C8A: variants seen among roughly 807,000 people sequenced by gnomAD.
C8A encodes complement C8 alpha chain.
C8A carries 67 observed loss-of-function variants against 65.3 expected under a neutral mutation model. That is an observed-to-expected ratio of 1.03 (90% CI 0.84 to 1.26). The LOEUF (loss-of-function observed/expected upper bound fraction) is 1.26, where lower values mean the gene tolerates loss of function less well. Among genes scored for constraint, C8A ranks in the 50% most tolerant of loss-of-function variants. C8A has a pLI of 0.00. For synonymous variants in C8A, 290 were observed against 259.4 expected (o/e 1.12, Z -1.13); for missense variants, 781 against 723.9 (o/e 1.08, Z -0.90).
chr1:56,859,529 G>A (rs1186238725), intron 1 of C8A, among the ~76,000 whole-genome samples: 1 of 152,218 alleles, frequency 6.6e-6, no homozygotes, highest in African/African-American at 2.4e-5. Flanking sequence ...GGAGGAAATA[G>A]CATTATGCAA....
At position 56,862,613 on chromosome 1, in the gene C8A, C is replaced by T. The variant is rs74075626; in HGVS notation, c.78-4996C>T. ...CATTTTGAGAAACTCTGCAATAGCACCATATAGACTTGTGCTCATTCTACA... is the reference window on the plus strand; with the variant it reads ...CATTTTGAGAAACTCTGCAATAGCATCATATAGACTTGTGCTCATTCTACA... On this transcript the variant is annotated intron_variant, in intron 1 of 10. Transcript: ENST00000361249. Among the ~76,000 whole-genome samples, 776 of 152,174 alleles carry T rather than the reference C, an allele frequency of 5.1e-3. 9 individuals are homozygous for T. The highest frequency in any genetic ancestry group is 0.018 in the African/African-American group (747 of 41,508).
At chr1:56,855,352 C>T (rs1045172040) in intron 1 of C8A, among the ~76,000 whole-genome samples, 3 of 152,136 alleles carry the variant, frequency 2.0e-5, no homozygotes, top group Admixed American at 1.3e-4. Context: ...TAATAAATGA[C>T]AGTTCTCCTG....
At chr1:56,870,552 T>A (rs1644134923) in intron 2 of C8A, among the ~76,000 whole-genome samples, 1 of 152,090 alleles carries the variant, frequency 6.6e-6, no homozygotes, top group Non-Finnish European at 1.5e-5. Context: ...AATATCCTCA[T>A]CTCAGAAACT....
chr1:56,885,555 G>T (rs1393824147), intron 6 of C8A, among the ~76,000 whole-genome samples: 4 of 127,824 alleles, frequency 3.1e-5, no homozygotes, highest in Non-Finnish European at 4.9e-5. Context: ...TTTCTTTTTT[G>T]TTTTTTTTTG....
chr1:56,883,450 C>T, intron 5 of C8A, 31 bp from the exon 6 acceptor site: 1 of 1,575,318 alleles, frequency 6.3e-7, no homozygotes, highest in Non-Finnish European at 8.7e-7. Flanking sequence ...TCTATGTGCA[C>T]AAAGCTAATA....
chr1:56,876,032 C>T (rs753176286), intron 3 of C8A, 30 bp from the exon 4 acceptor site: 20 of 1,609,610 alleles, frequency 1.2e-5, no homozygotes, highest in Admixed American at 8.4e-5. Context: ...GAGGGGAACC[C>T]GAGGAGCAGC....
chr1:56,892,351 A>G (rs1453249960), intron 7 of C8A, among the ~76,000 whole-genome samples: 1 of 152,144 alleles, frequency 6.6e-6, no homozygotes, highest in Non-Finnish European at 1.5e-5. Flanking sequence ...AAGATTGACA[A>G]TGATCCTGTG....
At chr1:56,903,496 C>T (rs1277217827) in intron 7 of C8A, among the ~76,000 whole-genome samples, 1 of 152,176 alleles carries the variant, frequency 6.6e-6, no homozygotes, top group Admixed American at 6.5e-5. Context: ...TCTTTATTAG[C>T]AGCATGAGAA....
At chr1:56,895,535 C>T (rs1453357692) in intron 7 of C8A, among the ~76,000 whole-genome samples, 1 of 152,066 alleles carries the variant, frequency 6.6e-6, no homozygotes, top group Non-Finnish European at 1.5e-5. Flanking sequence ...CAGACCATAA[C>T]CCATTAGTAG....
At chr1:56,912,374 G>A (rs769820296) in intron 9 of C8A, 29 bp from the exon 10 acceptor site, 2 of 1,603,184 alleles carry the variant, frequency 1.2e-6, no homozygotes, top group Non-Finnish European at 8.5e-7. Flanking sequence ...AGCCCAGGGA[G>A]GGGCCCTGTG....
At chr1:56,878,875 T>C (rs1242970061) in intron 4 of C8A, among the ~76,000 whole-genome samples, 1 of 152,216 alleles carries the variant, frequency 6.6e-6, no homozygotes, top group Non-Finnish European at 1.5e-5. Flanking sequence ...CTGGGCATTA[T>C]AGACACAGGT....
At chr1:56,859,986 C>G (rs778700995) in intron 1 of C8A, among the ~76,000 whole-genome samples, 4 of 152,198 alleles carry the variant, frequency 2.6e-5, no homozygotes, top group Non-Finnish European at 5.9e-5. Flanking sequence ...TTGCTTGAAC[C>G]TGGGAGCCGG....
chr1:56,879,379 C>G (rs976320144), intron 4 of C8A, among the ~76,000 whole-genome samples: 1 of 152,172 alleles, frequency 6.6e-6, no homozygotes, highest in Non-Finnish European at 1.5e-5. Flanking sequence ...TTTGACTACA[C>G]CTTTCCCTTT....
At chr1:56,893,488 T>G (rs6696110) in intron 7 of C8A, among the ~76,000 whole-genome samples, 20,297 of 152,118 alleles carry the variant, frequency 0.13, 1,402 homozygotes, top group Non-Finnish European at 0.15. Context: ...TGATCCTCAG[T>G]TTCTTCAAGA....
intron 8 of C8A, among the ~76,000 whole-genome samples, chr1:56,907,194 G>A (rs567626265): frequency 6.6e-6 from 1 of 152,300 alleles, no homozygotes; most frequent in Non-Finnish European, 1.5e-5. Flanking sequence ...GAGAGGGATT[G>A]TACAGGAATA....
At chr1:56,869,178 C>G (rs980651553) in intron 2 of C8A, among the ~76,000 whole-genome samples, 1 of 152,146 alleles carries the variant, frequency 6.6e-6, no homozygotes, top group African/African-American at 2.4e-5. Context: ...CCTCCCCACC[C>G]TTCCACCCGA....
chr1:56,859,585 A>G (rs1046943697), intron 1 of C8A, among the ~76,000 whole-genome samples: 1 of 152,202 alleles, frequency 6.6e-6, no homozygotes, highest in African/African-American at 2.4e-5. Context: ...AAAGTTCTGT[A>G]TGGAATTCTA....
chr1:56,917,965 CT>C lies in C8A; in HGVS notation c.*252del, dbSNP rs543369656. The C allele has an allele frequency of 8.7e-3, 3,758 of 430,566 alleles. 25 individuals are homozygous for C. The highest frequency in any genetic ancestry group is 0.016 in the South Asian group (436 of 27,844). The allele number at this position is 430,566 out of a possible 1,614,324, so 26.7% of individuals were successfully genotyped here. A position where few individuals can be genotyped will look rare whatever the true frequency, so the allele number is the denominator to read the frequency against. Reference sequence around the variant, plus strand: ...TAGAAGCTCTGTCCTACTTACAGCACTTTGGATCATCAAAAAAATAAAGTAA... The same window carrying C: ...TAGAAGCTCTGTCCTACTTACAGCACTTGGATCATCAAAAAAATAAAGTAA... On this transcript the variant is annotated 3_prime_UTR_variant, in exon 11 of 11. Transcript: ENST00000361249.
chr1:56,885,775 C>A, intron 6 of C8A, 152 bp from the exon 7 acceptor site: 2 of 982,186 alleles, frequency 2.0e-6, no homozygotes, highest in South Asian at 2.8e-5. Context: ...TGGTCTCGAT[C>A]TCCTGACCTT....
Sources: allele counts gnomAD v4.1 joint callset (sites outside exome capture counted in the v4.1 genomes callset), GRCh38; gene constraint gnomAD v4.1.1; transcripts MANE v1.5; gene names NCBI Gene and HGNC (gene_info 2026-07-23, HGNC 2026-07-21).